Variants in TMCO5A observed in about 807,000 individuals in gnomAD.
The protein encoded by TMCO5A is transmembrane and coiled-coil domain-containing protein 5A.
TMCO5A carries 34 observed loss-of-function variants against 42.3 expected under a neutral mutation model. The observed-to-expected ratio is 0.80, with a 90% CI of 0.61 to 1.07. The LOEUF (loss-of-function observed/expected upper bound fraction) is 1.07. Among genes scored for constraint, TMCO5A ranks in the 50% least tolerant of loss-of-function variants. The pLI is 0.00. For missense variants in TMCO5A, 357 were observed against 327.9 expected (o/e 1.09, Z -0.69); for synonymous variants, 131 against 115.6 (o/e 1.13, Z -0.86).
At chr15:37,940,200 G>A (rs1216535205) in intron 6 of TMCO5A, among the ~76,000 whole-genome samples, 4 of 152,030 alleles carry the variant, frequency 2.6e-5, no homozygotes, top group African/African-American at 9.7e-5. Context: ...TAGACTTCAA[G>A]CCTCTCCTGC....
intron 11 of TMCO5A, among the ~76,000 whole-genome samples, chr15:37,961,894 C>T (rs1045437584): frequency 6.6e-6 from 1 of 152,018 alleles, no homozygotes; most frequent in East Asian, 1.9e-4. Flanking sequence ...ATCTTGTATC[C>T]GGAAACTTTG....
At chr15:38,004,201 C>T in the TMCO5A span, among the ~76,000 whole-genome samples, 1 of 152,090 alleles carries the variant, frequency 6.6e-6, no homozygotes, top group East Asian at 1.9e-4. Context: ...GAAATGTCAT[C>T]TGTGAGCTAG....
the TMCO5A span, among the ~76,000 whole-genome samples, chr15:37,991,607 C>T: frequency 3.9e-5 from 6 of 152,116 alleles, no homozygotes; most frequent in African/African-American, 1.4e-4. Flanking sequence ...CCACAGATCC[C>T]TTAGGACCTT....
At chr15:38,025,226 G>A in the TMCO5A span, among the ~76,000 whole-genome samples, 15 of 151,474 alleles carry the variant, frequency 9.9e-5, no homozygotes, top group Admixed American at 8.6e-4. Context: ...GGTGTTTGGT[G>A]GAAGCAGAAA....
chr15:37,945,224 G>A (rs531769817), intron 10 of TMCO5A, among the ~76,000 whole-genome samples: 8 of 152,146 alleles, frequency 5.3e-5, no homozygotes, highest in South Asian at 4.2e-4. Flanking sequence ...TTTTATGGCC[G>A]CATAGTATTC....
At chr15:38,032,913 T>C in the TMCO5A span, among the ~76,000 whole-genome samples, 4 of 148,942 alleles carry the variant, frequency 2.7e-5, no homozygotes, top group South Asian at 4.2e-4. Context: ...ATCTTTGTCA[T>C]GAAATTTGGT....
chr15:38,035,975 A>G, the TMCO5A span, among the ~76,000 whole-genome samples: 1 of 152,136 alleles, frequency 6.6e-6, no homozygotes. Context: ...CCTCCCAGCT[A>G]AACTTCTATC....
At chr15:37,990,950 G>A in the TMCO5A span, among the ~76,000 whole-genome samples, 96 of 152,020 alleles carry the variant, frequency 6.3e-4, no homozygotes, top group Middle Eastern at 6.8e-3. Flanking sequence ...CACAAATTAC[G>A]TCTTTATACG....
intron 10 of TMCO5A, among the ~76,000 whole-genome samples, chr15:37,946,556 T>C (rs1051373035): frequency 1.3e-5 from 2 of 152,144 alleles, no homozygotes; most frequent in African/African-American, 2.4e-5. Flanking sequence ...GGTTTGTAGT[T>C]CTCCTTGAAG....
At chr15:37,983,793 C>T in the TMCO5A span, among the ~76,000 whole-genome samples, 54 of 149,468 alleles carry the variant, frequency 3.6e-4, no homozygotes, top group African/African-American at 1.3e-3. Context: ...GGCATGATCT[C>T]GGCTCACTGC....
the TMCO5A span, among the ~76,000 whole-genome samples, chr15:37,978,540 C>A: frequency 6.6e-6 from 1 of 152,130 alleles, no homozygotes; most frequent in Admixed American, 6.5e-5. Context: ...GCTGGAGGTG[C>A]CAGCAATGTG....
the TMCO5A span, chr15:38,040,439 C>G: frequency 6.6e-6 from 1 of 152,292 alleles, no homozygotes. Flanking sequence ...AGTAAGTTTA[C>G]TCTTAGGTAC....
the TMCO5A span, among the ~76,000 whole-genome samples, chr15:37,995,135 TG>T: frequency 6.6e-6 from 1 of 152,056 alleles, no homozygotes; most frequent in Admixed American, 6.6e-5. Context: ...CCAGCCAATC[TG>T]GAAATGAGGA....
At chr15:38,012,031 G>C in the TMCO5A span, among the ~76,000 whole-genome samples, 1 of 152,028 alleles carries the variant, frequency 6.6e-6, no homozygotes, top group African/African-American at 2.4e-5. Flanking sequence ...GGCTGAAGGA[G>C]GAGAATGGCA....
chr15:37,990,935 T>C, the TMCO5A span, among the ~76,000 whole-genome samples: 1 of 152,096 alleles, frequency 6.6e-6, no homozygotes, highest in Non-Finnish European at 1.5e-5. Context: ...CTTTCAGTTA[T>C]TGATCACAAA....
At chr15:37,956,060 G>T (rs533929842), downstream of TMCO5A, among the ~76,000 whole-genome samples, 1 of 152,116 alleles carries the variant, frequency 6.6e-6, no homozygotes, top group South Asian at 2.1e-4. Context: ...GAACAAAGAC[G>T]CAATCTACCA....
the TMCO5A span, among the ~76,000 whole-genome samples, chr15:37,997,597 T>C: frequency 6.6e-6 from 1 of 152,228 alleles, no homozygotes; most frequent in African/African-American, 2.4e-5. Flanking sequence ...ACATTTTCTT[T>C]ATCAGTTTGT....
chr15:37,938,089 C>G (rs985135714), intron 5 of TMCO5A, 69 bp from the exon 6 acceptor site: 24 of 1,332,458 alleles, frequency 1.8e-5, no homozygotes, highest in Middle Eastern at 4.2e-4. Flanking sequence ...TTACTAATCT[C>G]CACACACCAG....
the TMCO5A span, among the ~76,000 whole-genome samples, chr15:38,027,071 G>C: frequency 6.6e-6 from 1 of 152,172 alleles, no homozygotes; most frequent in African/African-American, 2.4e-5. Context: ...CCCCCACACA[G>C]AGTCCCTCCT....
Sources: allele counts gnomAD v4.1 joint callset (sites outside exome capture counted in the v4.1 genomes callset), GRCh38; gene constraint gnomAD v4.1.1; transcripts MANE v1.5; gene names NCBI Gene and HGNC (gene_info 2026-07-23, HGNC 2026-07-21).